CDH6: variants seen among roughly 807,000 people sequenced by gnomAD.
The protein encoded by CDH6 is cadherin-6.
CDH6 carries 31 observed loss-of-function variants against 78.0 expected under a neutral mutation model. That is an observed-to-expected ratio of 0.40 (90% confidence interval 0.30 to 0.54). The LOEUF is 0.54. CDH6 is among the 20% of genes least tolerant of loss of function. CDH6 has a pLI of 0.56. For missense variants in CDH6, 724 were observed against 975.9 expected (o/e 0.74, Z 3.44); for synonymous variants, 376 against 368.8 (o/e 1.02, Z -0.23).
At chr5:31,316,380 T>A in intron 9 of CDH6, 51 bp downstream of exon 9, 7 of 1,499,136 alleles carry the variant, frequency 4.7e-6, no homozygotes, top group Non-Finnish European at 6.4e-6. Context: ...TTAATTTAGA[T>A]CTTCTTATCA....
At chr5:31,306,249 A>G (rs1270800687) in intron 7 of CDH6, among the ~76,000 whole-genome samples, 1 of 152,228 alleles carries the variant, frequency 6.6e-6, no homozygotes, top group Non-Finnish European at 1.5e-5. Flanking sequence ...TTCATGATAT[A>G]CGTCTGTGAA....
intron 2 of CDH6, among the ~76,000 whole-genome samples, chr5:31,279,159 C>T (rs1360051676): frequency 6.6e-6 from 1 of 152,118 alleles, no homozygotes; most frequent in Non-Finnish European, 1.5e-5. Flanking sequence ...TTTCAACTCC[C>T]CAAAAACTTA....
intron 8 of CDH6, among the ~76,000 whole-genome samples, chr5:31,315,873 T>C (rs189846913): frequency 1.2e-3 from 180 of 152,348 alleles, no homozygotes; most frequent in Non-Finnish European, 2.1e-3. Context: ...CTCCTTCCTT[T>C]TGTCCATATG....
chr5:31,207,524 G>A (rs186073134), intron 1 of CDH6, among the ~76,000 whole-genome samples: 14 of 152,260 alleles, frequency 9.2e-5, no homozygotes, highest in African/African-American at 1.7e-4. Context: ...TAGTCTAAGC[G>A]TAACTGTAAA....
chr5:31,282,385 T>TTC (rs1204293707), intron 2 of CDH6, among the ~76,000 whole-genome samples: 1 of 151,892 alleles, frequency 6.6e-6, no homozygotes, highest in South Asian at 2.1e-4. Context: ...AGACTTCAAA[T>TTC]TCTCTCTCTC....
At chr5:31,308,496 GT>G (rs1738057120) in intron 7 of CDH6, among the ~76,000 whole-genome samples, 1 of 149,456 alleles carries the variant, frequency 6.7e-6, no homozygotes, top group African/African-American at 2.5e-5. Context: ...ATTTTATCTT[GT>G]TTCTTATCAG....
rs140882824 is a variant in CDH6 at position 31,221,405 on chromosome 5, A to G, written c.-129+27519A>G. Reference sequence around the variant, plus strand: ...TCAACTTTAATTCTATTCAGAAAGAATTAACACGCAACAGCTCCAAGTAAT... The same window carrying G: ...TCAACTTTAATTCTATTCAGAAAGAGTTAACACGCAACAGCTCCAAGTAAT... On this transcript the variant is annotated intron_variant, in intron 1 of 11. Coordinates refer to ENST00000265071, the MANE Select transcript of CDH6 (RefSeq NM_004932.4). Among the ~76,000 whole-genome samples, 15 of 152,382 alleles carry G rather than the reference A, an allele frequency of 9.8e-5. 2 individuals are homozygous for G. Among genetic ancestry groups the G allele is most frequent in the African/African-American group, 3.1e-4 (13 of 41,590 alleles).
intron 5 of CDH6, among the ~76,000 whole-genome samples, chr5:31,300,753 G>A (rs768904916): frequency 2.0e-5 from 3 of 152,172 alleles, no homozygotes; most frequent in Non-Finnish European, 4.4e-5. Flanking sequence ...TTGTTAATGA[G>A]CAATATGCCA....
intron 1 of CDH6, among the ~76,000 whole-genome samples, chr5:31,232,962 A>G (rs1741352209): frequency 6.6e-6 from 1 of 152,132 alleles, no homozygotes; most frequent in East Asian, 1.9e-4. Flanking sequence ...AAGTTAAATA[A>G]CCTTTCAAAG....
intron 1 of CDH6, among the ~76,000 whole-genome samples, chr5:31,236,024 C>T (rs982157305): frequency 1.3e-5 from 2 of 151,884 alleles, no homozygotes; most frequent in Non-Finnish European, 2.9e-5. Flanking sequence ...ATTCTTTTTT[C>T]CATTCAGTTT....
At chr5:31,203,233 C>CTT (rs10656122) in intron 1 of CDH6, among the ~76,000 whole-genome samples, 54,391 of 126,894 alleles carry the variant, frequency 0.43, 11,490 homozygotes, top group Middle Eastern at 0.58. Flanking sequence ...CAGGCAGGTC[C>CTT]TTTTTTTTTT....
chr5:31,313,549 ATCCC>A, intron 8 of CDH6, 95 bp downstream of exon 8: 1 of 1,160,776 alleles, frequency 8.6e-7, no homozygotes, highest in Non-Finnish European at 1.2e-6. Context: ...TGTATTGACA[ATCCC>A]ACTTGATATA....
intron 1 of CDH6, among the ~76,000 whole-genome samples, chr5:31,199,295 T>G (rs975766111): frequency 6.6e-6 from 1 of 150,922 alleles, no homozygotes; most frequent in African/African-American, 2.4e-5. Context: ...CACATATATA[T>G]AGTGGACAGA....
rs1013807497 is a variant in CDH6, at chr5:31,325,230, A to G, written c.*1922A>G. ...TCTTCTGAATGGTTTCCGATTTTAT[A>G]ATGGACTGCCCTATATAGTAACAAG... is the stretch of plus-strand genomic sequence containing the variant. On this transcript the variant is annotated 3_prime_UTR_variant, in exon 12 of 12. Transcript: ENST00000265071. 4.4e-6 allele frequency: 1 copy of G among 229,618 alleles called. No individual in the cohort carries two copies. Among genetic ancestry groups the G allele is most frequent in the Non-Finnish European group, 8.6e-6 (1 of 115,868 alleles). 14.2% of individuals were successfully genotyped at this position (229,618 alleles called of 1,614,324 possible). A position where few individuals can be genotyped will look rare whatever the true frequency, so the allele number is the denominator to read the frequency against.
intron 1 of CDH6, among the ~76,000 whole-genome samples, chr5:31,202,645 A>G (rs1287693497): frequency 7.9e-6 from 1 of 126,768 alleles, no homozygotes; most frequent in Non-Finnish European, 1.8e-5. Flanking sequence ...TCAAAAAAAT[A>G]TATATATATA....
chr5:31,210,075 A>AC, intron 1 of CDH6, among the ~76,000 whole-genome samples: 1 of 60,630 alleles, frequency 1.6e-5, no homozygotes, highest in Non-Finnish European at 3.2e-5. Context: ...CTTTTCTTAA[A>AC]TTGTGTGTGT....
chr5:31,323,386 G>A lies in CDH6; in HGVS notation c.*78G>A, dbSNP rs916388659. 2.0e-6 allele frequency: 3 copies of A among 1,476,580 alleles called. No homozygotes were observed. Among genetic ancestry groups the A allele is most frequent in the Non-Finnish European group, 1.8e-6 (2 of 1,088,388 alleles). The allele number at this position is 1,476,580 out of a possible 1,614,324, so 91.5% of individuals were successfully genotyped here. On this transcript the variant is annotated 3_prime_UTR_variant, in exon 12 of 12. Coordinates refer to ENST00000265071, the MANE Select transcript of CDH6 (RefSeq NM_004932.4). ...TTTCTTTATATTTATCCACTACTCC[G>A]TGAAGGCTTCTCTGTTCTACCCGTT...
At chr5:31,311,614 T>C (rs928580694) in intron 7 of CDH6, among the ~76,000 whole-genome samples, 2 of 152,232 alleles carry the variant, frequency 1.3e-5, no homozygotes, top group East Asian at 3.8e-4. Flanking sequence ...CTGCGTAATT[T>C]GTGAAGAAAA....
chr5:31,197,421 A>G (rs1740198865), intron 1 of CDH6, among the ~76,000 whole-genome samples: 1 of 152,200 alleles, frequency 6.6e-6, no homozygotes, highest in Non-Finnish European at 1.5e-5. Context: ...CGTCAGAATT[A>G]GGGTCTCACT....
Sources: gnomAD v4.1 joint callset for allele counts (sites outside exome capture counted in the v4.1 genomes callset) on GRCh38, gnomAD v4.1.1 for gene constraint, MANE v1.5 for transcripts, NCBI Gene and HGNC (gene_info 2026-07-23, HGNC 2026-07-21) for gene names.